Variants in SNTB1 observed in about 807,000 individuals in gnomAD.
The protein encoded by SNTB1 is beta-1-syntrophin.
A neutral mutation model predicts 48.9 loss-of-function variants in SNTB1; 36 were observed. The ratio of observed to expected loss-of-function variants is 0.74; its 90% confidence interval spans 0.56 to 0.97. The LOEUF (loss-of-function observed/expected upper bound fraction) is 0.97, where lower values mean the gene tolerates loss of function less well. Among genes scored for constraint, SNTB1 ranks in the 50% least tolerant of loss-of-function variants. SNTB1 has a pLI of 0.00. For missense variants in SNTB1, 786 were observed against 703.4 expected, an observed-to-expected ratio of 1.12 and a Z score of -1.33; for synonymous variants, 299 against 294.6, an observed-to-expected ratio of 1.01 and a Z score of -0.15.
At chr8:120,637,034 A>G in intron 2 of SNTB1, 1 of 360,884 alleles carries the variant, frequency 2.8e-6, no homozygotes, top group Non-Finnish European at 5.4e-6. Flanking sequence ...TCAAATCTAT[A>G]AGTAACTGAA....
intron 1 of SNTB1, among the ~76,000 whole-genome samples, chr8:120,760,796 T>C (rs1158186801): frequency 1.3e-5 from 2 of 151,934 alleles, no homozygotes; most frequent in Admixed American, 6.6e-5. Flanking sequence ...AATACCCAAC[T>C]CCAGCCCCAT....
intron 6 of SNTB1, chr8:120,541,015 T>G (rs1815277833): frequency 1.3e-5 from 2 of 152,306 alleles, no homozygotes; most frequent in Non-Finnish European, 2.9e-5. Context: ...ATCAAAGGCC[T>G]CTTTGAAGTT....
At chr8:120,571,515 T>A (rs1389381905) in intron 4 of SNTB1, among the ~76,000 whole-genome samples, 13 of 68,498 alleles carry the variant, frequency 1.9e-4, no homozygotes, top group South Asian at 4.9e-4. Flanking sequence ...TTTTTTTTTT[T>A]GAGACAGAGT....
intron 4 of SNTB1, among the ~76,000 whole-genome samples, chr8:120,553,490 G>A (rs1027925437): frequency 2.6e-5 from 4 of 152,182 alleles, no homozygotes; most frequent in African/African-American, 9.7e-5. Context: ...TGAGCTATCT[G>A]CTGTATCCAT....
At chr8:120,720,983 C>T (rs1263548040) in intron 1 of SNTB1, among the ~76,000 whole-genome samples, 1 of 152,170 alleles carries the variant, frequency 6.6e-6, no homozygotes, top group African/African-American at 2.4e-5. Context: ...AATTTTCTGA[C>T]TATCATTAGG....
At chr8:120,631,591 A>G (rs1387377759) in intron 3 of SNTB1, among the ~76,000 whole-genome samples, 1 of 152,144 alleles carries the variant, frequency 6.6e-6, no homozygotes, top group Non-Finnish European at 1.5e-5. Flanking sequence ...TTATTCCCAA[A>G]GTCCAGTGTT....
chr8:120,693,187 T>C (rs1055863811), intron 2 of SNTB1, among the ~76,000 whole-genome samples: 1 of 152,112 alleles, frequency 6.6e-6, no homozygotes, highest in African/African-American at 2.4e-5. Context: ...CACCAAGCCA[T>C]TCATGAGGGT....
chr8:120,750,369 C>T (rs1159380611), intron 1 of SNTB1, among the ~76,000 whole-genome samples: 1 of 152,062 alleles, frequency 6.6e-6, no homozygotes, highest in Non-Finnish European at 1.5e-5. Context: ...TCCTAACTGC[C>T]CCAACACCGA....
At chr8:120,625,360 T>C (rs1166464579) in intron 3 of SNTB1, among the ~76,000 whole-genome samples, 6 of 152,176 alleles carry the variant, frequency 3.9e-5, no homozygotes, top group Non-Finnish European at 8.8e-5. Flanking sequence ...AGAAATAAAA[T>C]GTACACACCC....
At chr8:120,752,156 G>A (rs1057224899) in intron 1 of SNTB1, among the ~76,000 whole-genome samples, 6 of 152,028 alleles carry the variant, frequency 3.9e-5, no homozygotes, top group Non-Finnish European at 8.8e-5. Context: ...AGGTGTATGT[G>A]GTTCATTAGG....
chr8:120,630,799 A>G (rs1458214401), intron 3 of SNTB1, among the ~76,000 whole-genome samples: 1 of 152,156 alleles, frequency 6.6e-6, no homozygotes, highest in Non-Finnish European at 1.5e-5. Context: ...ATCCAAGTTA[A>G]CCCAATTAGA....
chr8:120,614,037 GA>G (rs1489009402), intron 3 of SNTB1, among the ~76,000 whole-genome samples: 1 of 152,130 alleles, frequency 6.6e-6, no homozygotes, highest in African/African-American at 2.4e-5. Flanking sequence ...GTTTGCCCAA[GA>G]AAAAACAGAA....
Position 120,811,806 on chromosome 8 carries a change from G to C in SNTB1, c.38C>G (p.Ala13Gly), listed in dbSNP as rs778706268. 1 of 1,370,758 alleles carries C rather than the reference G, an allele frequency of 7.3e-7. No individual in the cohort carries two copies. Among genetic ancestry groups the C allele is most frequent in the Admixed American group, 4.0e-5 (1 of 25,166 alleles). The allele number at this position is 1,370,758 out of a possible 1,614,324, so 84.9% of individuals were successfully genotyped here. ...CTGCGCCCGGCCGCCTCCCGCGCCA[G>C]CCGGCCCAGCCGCCGCCGCCGCCGC... The part of the protein sequence containing the change: ...VAAAAAAAGP[A>G]GAGGGRAQRS... Residue 13 changes from alanine to glycine, a missense_variant, in exon 1 of 7, where the codon GCT becomes GGT. Transcript: ENST00000517992.
At chr8:120,638,821 T>G (rs1817130941) in intron 2 of SNTB1, among the ~76,000 whole-genome samples, 1 of 152,236 alleles carries the variant, frequency 6.6e-6, no homozygotes, top group Non-Finnish European at 1.5e-5. Flanking sequence ...ACATTTGGGT[T>G]GGTTCCAAGT....
At chr8:120,565,778 G>A (rs988821695) in intron 4 of SNTB1, among the ~76,000 whole-genome samples, 2 of 152,176 alleles carry the variant, frequency 1.3e-5, no homozygotes, top group African/African-American at 2.4e-5. Flanking sequence ...ACCATGCTGT[G>A]GTTTGAACGT....
chr8:120,780,267 A>G (rs998665303), intron 1 of SNTB1, among the ~76,000 whole-genome samples: 1 of 152,200 alleles, frequency 6.6e-6, no homozygotes, highest in Non-Finnish European at 1.5e-5. Flanking sequence ...TCATTTGCAG[A>G]CATATCCTTG....
intron 2 of SNTB1, among the ~76,000 whole-genome samples, chr8:120,644,946 C>T (rs1276798196): frequency 2.0e-5 from 3 of 152,064 alleles, no homozygotes; most frequent in African/African-American, 4.8e-5. Context: ...TGTTTTTTGG[C>T]TGCATGAATG....
Position 120,811,926 on chromosome 8 carries a change from C to A in SNTB1, c.-83G>T. 1.2e-5 allele frequency: 15 copies of A among 1,272,216 alleles called. No individual in the cohort carries two copies. The highest frequency in any genetic ancestry group is 1.5e-5 in the Non-Finnish European group (15 of 1,010,370). 78.8% of individuals were successfully genotyped at this position (1,272,216 alleles called of 1,614,324 possible). On this transcript the variant is annotated 5_prime_UTR_variant, in exon 1 of 7. Transcript: ENST00000517992. Reference sequence around the variant, plus strand: ...GTGGCCGGGGGGAGGACGCGGGGCCCGGGGGAGCGAGGAGAGTGCGTCCCG... The same window carrying A: ...GTGGCCGGGGGGAGGACGCGGGGCCAGGGGGAGCGAGGAGAGTGCGTCCCG...
rs976110911 is a variant in SNTB1 at position 120,767,405 on chromosome 8, T to C, written c.571+43868A>G. On this transcript the variant is annotated intron_variant, in intron 1 of 6. Coordinates refer to ENST00000517992, the MANE Select transcript of SNTB1 (RefSeq NM_021021.4). ...CTTTATAATTGTACAACAGTGTATATAAAGTGTTCATACACACACCATGCA... is the reference window on the plus strand; with the variant it reads ...CTTTATAATTGTACAACAGTGTATACAAAGTGTTCATACACACACCATGCA... Among the ~76,000 whole-genome samples the C allele has an allele frequency of 7.2e-5, 11 of 152,344 alleles. No individual in the cohort carries two copies. The South Asian group carries it at 1.7e-3, about 23-fold the overall frequency.
Sources: allele counts gnomAD v4.1 joint callset (sites outside exome capture counted in the v4.1 genomes callset), GRCh38; gene constraint gnomAD v4.1.1; transcripts MANE v1.5; gene names NCBI Gene and HGNC (gene_info 2026-07-23, HGNC 2026-07-21).